Variants in FREM3 observed in about 807,000 individuals in gnomAD.
The protein encoded by FREM3 is FRAS1 related extracellular matrix 3.
In FREM3, 105 loss-of-function variants were observed where a neutral mutation model predicts 129.1. The ratio of observed to expected loss-of-function variants is 0.81; its 90% CI spans 0.69 to 0.96. FREM3 has a LOEUF of 0.96. FREM3 is among the 40% of genes least tolerant of loss of function. The pLI is 0.00. For missense variants in FREM3, 2,593 were observed against 2,666.3 expected (o/e 0.97, Z 0.61); for synonymous variants, 1,014 against 1,044.9 (o/e 0.97, Z 0.57).
At chr4:143,586,630 G>T (rs192880532) in intron 6 of FREM3, among the ~76,000 whole-genome samples, 1 of 152,294 alleles carries the variant, frequency 6.6e-6, no homozygotes, top group Non-Finnish European at 1.5e-5. Flanking sequence ...TCAGCGGTGG[G>T]TAGAAGGGAA....
chr4:143,601,994 G>C (rs982359595), intron 6 of FREM3: 2 of 152,114 alleles, frequency 1.3e-5, no homozygotes, highest in African/African-American at 4.8e-5. Flanking sequence ...AGCAACTTGG[G>C]TATATCTTTA....
At chr4:143,637,907 G>T (rs541020185) in intron 2 of FREM3, among the ~76,000 whole-genome samples, 2 of 152,210 alleles carry the variant, frequency 1.3e-5, no homozygotes, top group African/African-American at 2.4e-5. Flanking sequence ...TCACATGGTT[G>T]GTGGGTGGGG....
rs964968892 is a variant in FREM3, at chr4:143,627,726, T to A, written c.5310A>T (p.Leu1770=). 5 of 1,535,600 alleles carry A rather than the reference T, an allele frequency of 3.3e-6. No homozygotes were observed. Among genetic ancestry groups the A allele is most frequent in the Non-Finnish European group, 4.4e-6 (5 of 1,145,670 alleles). ...GNKLTNQPFH[L]NWAWICLEKE... Reference sequence around the variant, plus strand: ...TCTCCAAACAAATCCAAGCCCAGTTTAGATGGAAAGGCTGATTTGTTAGTT... The same window carrying A: ...TCTCCAAACAAATCCAAGCCCAGTTAAGATGGAAAGGCTGATTTGTTAGTT... The change falls in exon 3 of 8, where the codon CTA becomes CTT. Residue 1770 remains leucine, a synonymous_variant. Transcript: ENST00000329798.
At chr4:143,666,209 C>A (rs1739857027) in intron 2 of FREM3, among the ~76,000 whole-genome samples, 1 of 151,976 alleles carries the variant, frequency 6.6e-6, no homozygotes, top group African/African-American at 2.4e-5. Context: ...CTTCATAGAA[C>A]AATGTTTCTA....
chr4:143,673,008 G>C (rs964611755), intron 2 of FREM3, among the ~76,000 whole-genome samples: 19 of 152,048 alleles, frequency 1.2e-4, no homozygotes, highest in African/African-American at 4.6e-4. Flanking sequence ...CTTTTTTCAA[G>C]GTTTTTAACT....
At chr4:143,660,797 C>A (rs1017917537) in intron 2 of FREM3, among the ~76,000 whole-genome samples, 1 of 152,092 alleles carries the variant, frequency 6.6e-6, no homozygotes, top group Non-Finnish European at 1.5e-5. Flanking sequence ...AGAGGTCCTT[C>A]ACGTCCCTTG....
At position 143,697,438 on chromosome 4, in the gene FREM3, C is replaced by A. The variant is rs1266492311; in HGVS notation, c.3238G>T (p.Val1080Phe). Residue 1080 changes from valine to phenylalanine, a missense_variant, in exon 1 of 8, where the codon GTC becomes TTC. Around this residue, in one of 2 missense-constraint regions of FREM3, gnomAD observed 2,276 missense variants for 2,267.2 expected, o/e 1.00. Coordinates refer to ENST00000329798, the MANE Select transcript of FREM3 (RefSeq NM_001168235.2). Reference sequence around the variant, plus strand: ...AAGGAGTTCTTCTCACCTTCATAGACAATGAAGGACTCCCCGACGAAGACC... The same window carrying A: ...AAGGAGTTCTTCTCACCTTCATAGAAAATGAAGGACTCCCCGACGAAGACC... ...PKVFVGESFI[V>F]YEGEKNSLTL... 1 of 1,537,214 alleles carries A rather than the reference C, an allele frequency of 6.5e-7. No individual in the cohort carries two copies. The highest frequency in any genetic ancestry group is 2.4e-5 in the East Asian group (1 of 40,908).
intron 6 of FREM3, among the ~76,000 whole-genome samples, chr4:143,596,700 C>T (rs1022234646): frequency 7.2e-5 from 11 of 151,956 alleles, no homozygotes; most frequent in East Asian, 5.8e-4. Context: ...TTTGGGAGGC[C>T]GAGGAGAGGG....
intron 7 of FREM3, among the ~76,000 whole-genome samples, chr4:143,581,371 A>C (rs952796733): frequency 2.0e-5 from 3 of 148,852 alleles, no homozygotes; most frequent in Non-Finnish European, 4.5e-5. Flanking sequence ...AGGGCTGGTC[A>C]AGTCACTGAC....
rs1322368594 is a variant in FREM3 at position 143,585,121 on chromosome 4, C to T, written c.6178+723G>A. On this transcript the variant is annotated intron_variant, in intron 7 of 7. Coordinates refer to ENST00000329798, the MANE Select transcript of FREM3 (RefSeq NM_001168235.2). This position sits in a 1 kb window ranked among gnomAD's most constrained non-coding sequence, Gnocchi z 4.2. ...ACATACCAGAACTTCTGGGACACAG[C>T]TAAAGCAGTATTAAGAGGAAAGTTT... Among the ~76,000 whole-genome samples, 1 of 152,118 alleles carries T rather than the reference C, an allele frequency of 6.6e-6. No homozygotes were observed. Among genetic ancestry groups the T allele is most frequent in the Non-Finnish European group, 1.5e-5 (1 of 68,018 alleles).
rs760363446 is a variant in FREM3, at chr4:143,697,160, A to G, written c.3516T>C (p.Asp1172=). 3.9e-6 allele frequency: 6 copies of G among 1,537,828 alleles called. No homozygotes were observed. The highest frequency in any genetic ancestry group is 1.7e-4 in the Middle Eastern group (1 of 6,018). Residue 1172 remains aspartate, a synonymous_variant, in exon 1 of 8, where the codon GAT becomes GAC. Coordinates refer to ENST00000329798, the MANE Select transcript of FREM3 (RefSeq NM_001168235.2). The part of the protein sequence containing the change: ...QEDQFTFYCS[D]GINFSPNVFF... Reference sequence around the variant, plus strand: ...AGACATTTGGGGAGAAGTTGATGCCATCAGAGCAATAAAAGGTGAATTGGT... The same window carrying G: ...AGACATTTGGGGAGAAGTTGATGCCGTCAGAGCAATAAAAGGTGAATTGGT...
At chr4:143,590,850 T>C (rs1004251715) in intron 6 of FREM3, among the ~76,000 whole-genome samples, 6 of 152,208 alleles carry the variant, frequency 3.9e-5, no homozygotes, top group Admixed American at 1.3e-4. Flanking sequence ...AGAATTCGGC[T>C]GTGAATCCAT....
In FREM3 at chr4:143,603,650, A is replaced by G. The variant is rs183070537; in HGVS notation, c.6028+7629T>C. On this transcript the variant is annotated intron_variant, in intron 6 of 7. Coordinates refer to ENST00000329798, the MANE Select transcript of FREM3 (RefSeq NM_001168235.2). Reference sequence around the variant, plus strand: ...GTATTATCTATATGAGAAAGAAAAAAAAACCTTTTTATCTGAGAAATGCAA... The same window carrying G: ...GTATTATCTATATGAGAAAGAAAAAGAAACCTTTTTATCTGAGAAATGCAA... 7.6e-4 allele frequency among the ~76,000 whole-genome samples: 116 copies of G among 152,310 alleles called. 1 individual carries two copies. The highest frequency in any genetic ancestry group is 2.6e-3 in the African/African-American group (109 of 41,576).
intron 2 of FREM3, among the ~76,000 whole-genome samples, chr4:143,649,781 T>C (rs1578850604): frequency 6.6e-6 from 1 of 152,184 alleles, no homozygotes; most frequent in African/African-American, 2.4e-5. Flanking sequence ...GATAACAGAA[T>C]TGCAGATTAT....
In FREM3 at chr4:143,690,754, TA is replaced by T. The variant is rs1458244992; in HGVS notation, c.5275+2358del. Among the ~76,000 whole-genome samples the T allele has an allele frequency of 2.6e-5, 4 of 152,148 alleles. No individual in the cohort carries two copies. The East Asian group carries it at 5.8e-4, about 22-fold the overall frequency. On this transcript the variant is annotated intron_variant, in intron 2 of 7. Coordinates refer to ENST00000329798, the MANE Select transcript of FREM3 (RefSeq NM_001168235.2). ...ATTCATAATATTTCAAAATAACAGATAAAAAAATGTTTAAAGTGAGTCCTTT... is the reference window on the plus strand; with the variant it reads ...ATTCATAATATTTCAAAATAACAGATAAAAAATGTTTAAAGTGAGTCCTTT...
At chr4:143,677,170 G>A (rs1339931484) in intron 2 of FREM3, among the ~76,000 whole-genome samples, 1 of 152,194 alleles carries the variant, frequency 6.6e-6, no homozygotes, top group Non-Finnish European at 1.5e-5. Flanking sequence ...AGCCAAAACA[G>A]CATGGTACTG....
intron 2 of FREM3, among the ~76,000 whole-genome samples, chr4:143,676,520 T>G (rs1340025758): frequency 2.6e-5 from 4 of 152,124 alleles, no homozygotes; most frequent in African/African-American, 9.7e-5. Flanking sequence ...CTATTCAACA[T>G]AGTGTTGGAA....
chr4:143,586,565 G>C (rs1343115840), intron 6 of FREM3, among the ~76,000 whole-genome samples: 1 of 152,124 alleles, frequency 6.6e-6, no homozygotes, highest in African/African-American at 2.4e-5. Flanking sequence ...AGACCAAGAA[G>C]TGACTCCATA....
At chr4:143,653,949 T>A (rs541061792) in intron 2 of FREM3, among the ~76,000 whole-genome samples, 75 of 152,222 alleles carry the variant, frequency 4.9e-4, no homozygotes, top group Non-Finnish European at 9.6e-4. Context: ...AGAAAAAAGT[T>A]TTTTAAATTA....
Sources: gnomAD v4.1 joint callset for allele counts (sites outside exome capture counted in the v4.1 genomes callset) on GRCh38, gnomAD v4.1.1 for gene constraint, gnomAD v4.1.1 regional missense constraint, Gnocchi (gnomAD v3.1) non-coding constraint, MANE v1.5 for transcripts, NCBI Gene and HGNC (gene_info 2026-07-23, HGNC 2026-07-21) for gene names.